PIP5K1C: variants seen among roughly 807,000 people sequenced by gnomAD.
The protein encoded by PIP5K1C is phosphatidylinositol-4-phosphate 5-kinase type 1 gamma.
PIP5K1C carries 45 observed loss-of-function variants against 80.1 expected under a neutral mutation model. That is an observed-to-expected ratio of 0.56 (90% CI 0.44 to 0.72). The LOEUF (loss-of-function observed/expected upper bound fraction) is 0.72. PIP5K1C is among the 30% of genes least tolerant of loss of function. The probability of loss-of-function intolerance (pLI) is 0.00; values close to 1 mark genes in which losing one functional copy is unlikely to be tolerated. For synonymous variants in PIP5K1C, 498 were observed against 420.1 expected (o/e 1.19, Z -2.27); for missense variants, 753 against 954.6 (o/e 0.79, Z 2.78).
chr19:3,643,300 G>A lies in PIP5K1C; in HGVS notation c.1592C>T (p.Thr531Ile). The A allele has an allele frequency of 6.2e-7, 1 of 1,614,046 alleles. No individual in the cohort carries two copies. Among genetic ancestry groups the A allele is most frequent in the Non-Finnish European group, 8.5e-7 (1 of 1,179,980 alleles). Residue 531 changes from threonine to isoleucine, a missense_variant, in exon 13 of 18, where the codon ACA (threonine) becomes ATA (isoleucine). Thr to Ile is a moderately conservative substitution (Grantham distance 89, BLOSUM62 -1). Coordinates refer to ENST00000335312, the MANE Select transcript of PIP5K1C (RefSeq NM_012398.3). ...GGACCGCTCAGGAATGGAGAGGGAT[G>A]TGGATGACAGAGTCGTGGCAATGGA... ...TASIATTLSS[T>I]SLSIPERSPS...
intron 1 of PIP5K1C, among the ~76,000 whole-genome samples, chr19:3,684,503 T>G (rs1239488688): frequency 3.3e-5 from 5 of 152,184 alleles, no homozygotes; most frequent in African/African-American, 1.2e-4. Flanking sequence ...AGTACGATGC[T>G]GGGGCCAGGC....
rs994359707 is a variant in PIP5K1C, at chr19:3,692,377, C to G, written c.94+7920G>C. The stretch of plus-strand genomic sequence containing the variant: ...GGCTCCTGGGGCCTCCCTCGCAGCT[C>G]GGCCATGCTGGGCCCCGGCGGCCCC... On this transcript the variant is annotated intron_variant, in intron 1 of 17. Transcript: ENST00000335312. This position sits in a 1 kb window ranked among gnomAD's most constrained non-coding sequence, Gnocchi z 5.2. Among the ~76,000 whole-genome samples the G allele has an allele frequency of 6.6e-6, 1 of 152,174 alleles. No individual in the cohort carries two copies. The highest frequency in any genetic ancestry group is 1.5e-5 in the Non-Finnish European group (1 of 68,012).
intron 1 of PIP5K1C, among the ~76,000 whole-genome samples, chr19:3,699,860 G>T (rs978962588): frequency 6.6e-6 from 1 of 152,226 alleles, no homozygotes; most frequent in African/African-American, 2.4e-5. Context: ...TAGCAGGGAG[G>T]TAAACTGAGG....
intron 1 of PIP5K1C, among the ~76,000 whole-genome samples, chr19:3,687,256 G>T (rs2035787486): frequency 6.6e-6 from 1 of 152,114 alleles, no homozygotes; most frequent in African/African-American, 2.4e-5. Flanking sequence ...CAGCTACTCA[G>T]GAGGCTGAGA....
intron 5 of PIP5K1C, among the ~76,000 whole-genome samples, chr19:3,660,600 G>C (rs1489311539): frequency 1.3e-5 from 2 of 152,176 alleles, no homozygotes; most frequent in Non-Finnish European, 2.9e-5. Flanking sequence ...CCAGTGCCTT[G>C]TTCTAACCCT....
chr19:3,698,058 C>G (rs2036180902), intron 1 of PIP5K1C, among the ~76,000 whole-genome samples: 1 of 152,250 alleles, frequency 6.6e-6, no homozygotes, highest in Non-Finnish European at 1.5e-5. Context: ...GGGAAACGGG[C>G]AGCCTCCCTC....
At position 3,651,941 on chromosome 19, in the gene PIP5K1C, C is replaced by G; in HGVS notation, c.1012G>C (p.Ala338Pro). ...QHERERQAQG[A>P]QSTSDEKRPV... ...CGCTTCTCATCTGAGGTGCTCTGGG[C>G]GCCCTGCGCCTGCCGCTCGCGCTCG... Residue 338 changes from alanine to proline, a missense_variant, in exon 8 of 18, where the codon GCC (alanine) becomes CCC (proline). This residue lies in a region of PIP5K1C where 105 missense variants were observed against 133.4 expected (regional missense o/e 0.79). Transcript: ENST00000335312. 6.2e-7 allele frequency: 1 copy of G among 1,612,876 alleles called. No individual in the cohort carries two copies. Among genetic ancestry groups the G allele is most frequent in the South Asian group, 1.1e-5 (1 of 91,080 alleles).
At chr19:3,640,860 CTAT>C (rs1490725107) in intron 15 of PIP5K1C, among the ~76,000 whole-genome samples, 2 of 151,584 alleles carry the variant, frequency 1.3e-5, no homozygotes, top group East Asian at 4.0e-4. Context: ...CTAATTTTTG[CTAT>C]TTTTTAGTAG....
intron 14 of PIP5K1C, 71 bp downstream of exon 14, chr19:3,642,836 C>A: frequency 7.9e-7 from 1 of 1,260,916 alleles, no homozygotes. Context: ...GGCTGGGGGG[C>A]GGGAAACGGA....
chr19:3,637,631 G>T lies in PIP5K1C; in HGVS notation c.1920+1253C>A. The T allele has an allele frequency of 6.6e-7, 1 of 1,517,594 alleles. No homozygotes were observed. The highest frequency in any genetic ancestry group is 1.2e-5 in the South Asian group (1 of 82,508). The allele number at this position is 1,517,594 out of a possible 1,614,324, so 94.0% of individuals were successfully genotyped here. Reference sequence around the variant, plus strand: ...TCCGTGAACTGGACGGGGCGGGCCGGGTGGGCCGGAGGAGGAAGGAAAACA... The same window carrying T: ...TCCGTGAACTGGACGGGGCGGGCCGTGTGGGCCGGAGGAGGAAGGAAAACA... On this transcript the variant is annotated intron_variant, in intron 16 of 17. Coordinates refer to ENST00000335312, the MANE Select transcript of PIP5K1C (RefSeq NM_012398.3). The surrounding 1 kb of genome is among the most constrained non-coding windows in gnomAD (Gnocchi z 7.0).
Position 3,632,690 on chromosome 19 carries a change from C to T in PIP5K1C, c.*477G>A, listed in dbSNP as rs938151987. ...CCACGTGGATGGAGGCAGAGTTGCT[C>T]GGGACCCCAGCCGTCCCCTCTGCAG... On this transcript the variant is annotated 3_prime_UTR_variant, in exon 18 of 18. Coordinates refer to ENST00000335312, the MANE Select transcript of PIP5K1C (RefSeq NM_012398.3). The T allele has an allele frequency of 9.2e-5, 15 of 162,408 alleles. No individual in the cohort carries two copies. The highest frequency in any genetic ancestry group is 1.7e-4 in the South Asian group (1 of 5,852). 10.1% of individuals were successfully genotyped at this position (162,408 alleles called of 1,614,324 possible).
intron 6 of PIP5K1C, among the ~76,000 whole-genome samples, chr19:3,655,724 G>T (rs944358094): frequency 2.6e-5 from 4 of 152,312 alleles, no homozygotes; most frequent in Non-Finnish European, 5.9e-5. Flanking sequence ...GATGGAGGAG[G>T]CCTCAAGGGA....
At chr19:3,689,490 A>T (rs1422615672) in intron 1 of PIP5K1C, among the ~76,000 whole-genome samples, 1 of 151,862 alleles carries the variant, frequency 6.6e-6, no homozygotes, top group Non-Finnish European at 1.5e-5. Flanking sequence ...CTCTACTAAA[A>T]ATACAAAAAT....
At chr19:3,652,080 C>A in intron 7 of PIP5K1C, 49 bp from the exon 8 acceptor site, 1 of 1,576,068 alleles carries the variant, frequency 6.3e-7, no homozygotes, top group South Asian at 1.1e-5. Context: ...GTCTCTATCC[C>A]CCACAACGGC....
intron 1 of PIP5K1C, among the ~76,000 whole-genome samples, chr19:3,670,061 T>G (rs1167525244): frequency 2.6e-4 from 7 of 26,868 alleles, no homozygotes; most frequent in Admixed American, 4.6e-4. Context: ...AGGCGGCAGG[T>G]GGGGAGGGGA....
rs149907525 is a variant in PIP5K1C at position 3,687,789 on chromosome 19, C to G, written c.94+12508G>C. Among the ~76,000 whole-genome samples the G allele has an allele frequency of 1.2e-4, 18 of 152,294 alleles. No homozygotes were observed. The East Asian group carries it at 3.1e-3, about 26-fold the overall frequency. ...CTTGCCCCTTCTCCCTTCTCCCTGC[C>G]GGGTGCTCCCCGCAGGGCATAGAGT... On this transcript the variant is annotated intron_variant, in intron 1 of 17. Coordinates refer to ENST00000335312, the MANE Select transcript of PIP5K1C (RefSeq NM_012398.3).
intron 7 of PIP5K1C, 32 bp from the exon 8 acceptor site, chr19:3,652,063 G>A (rs376167099): frequency 2.4e-5 from 39 of 1,603,102 alleles, no homozygotes; most frequent in African/African-American, 2.0e-4. Flanking sequence ...ACGCCACGCC[G>A]TCAGCCGTCT....
intron 5 of PIP5K1C, among the ~76,000 whole-genome samples, chr19:3,657,811 T>C (rs907196129): frequency 1.3e-5 from 2 of 151,348 alleles, no homozygotes; most frequent in African/African-American, 4.9e-5. Context: ...GATGCCCATC[T>C]GTGGTCCCAG....
intron 10 of PIP5K1C, 102 bp from the exon 11 acceptor site, chr19:3,646,160 T>G: frequency 6.7e-6 from 5 of 750,342 alleles, no homozygotes; most frequent in Non-Finnish European, 7.3e-6. Flanking sequence ...GGGCACCTTC[T>G]GTGTGAAAAG....
Sources: allele counts gnomAD v4.1 joint callset (sites outside exome capture counted in the v4.1 genomes callset), GRCh38; gene constraint gnomAD v4.1.1; regional missense constraint gnomAD v4.1.1; non-coding constraint Gnocchi (gnomAD v3.1); transcripts MANE v1.5; gene names NCBI Gene and HGNC (gene_info 2026-07-23, HGNC 2026-07-21).